HOMER2: variants seen among roughly 807,000 people sequenced by gnomAD.
HOMER2 encodes the protein homer protein homolog 2.
A neutral mutation model predicts 47.0 loss-of-function variants in HOMER2; 27 were observed. The observed-to-expected ratio is 0.57, with a 90% CI of 0.42 to 0.79. HOMER2 has a LOEUF of 0.79. Ranked by LOEUF, HOMER2 falls within the 30% of genes least tolerant of loss-of-function variation. The pLI is 0.00. For synonymous variants in HOMER2, 161 were observed against 163.8 expected (o/e 0.98, Z 0.13); for missense variants, 443 against 435.0 (o/e 1.02, Z -0.16).
At chr15:82,960,877 G>A (rs1184709361) in intron 1 of HOMER2, among the ~76,000 whole-genome samples, 1 of 152,162 alleles carries the variant, frequency 6.6e-6, no homozygotes, top group African/African-American at 2.4e-5. Flanking sequence ...TCATAGTGAG[G>A]AACACCTTTG....
exon 2 of HOMER2, chr15:82,841,103 T>C (rs1438255401): frequency 6.6e-6 from 1 of 152,142 alleles, no homozygotes; most frequent in African/African-American, 2.4e-5. Context: ...AAAGCTCTTA[T>C]TTTTATTATA....
chr15:82,867,367 GA>G (rs10583915), intron 3 of HOMER2, among the ~76,000 whole-genome samples: 66,282 of 133,864 alleles, frequency 0.5, 14,994 homozygotes, highest in East Asian at 0.63. Context: ...AATATAAAAG[GA>G]AAAAAAAAAA....
intron 1 of HOMER2, among the ~76,000 whole-genome samples, chr15:82,897,859 A>C (rs781442038): frequency 3.3e-4 from 50 of 152,224 alleles, no homozygotes; most frequent in Non-Finnish European, 6.9e-4. Flanking sequence ...AACCCTGGTC[A>C]ACACCTTGAT....
At chr15:82,934,309 C>T (rs755127378) in intron 1 of HOMER2, among the ~76,000 whole-genome samples, 12 of 152,084 alleles carry the variant, frequency 7.9e-5, no homozygotes, top group East Asian at 1.9e-4. Flanking sequence ...CCTCCTCTTC[C>T]GCCCACCACC....
intron 1 of HOMER2, among the ~76,000 whole-genome samples, chr15:82,903,708 A>G (rs1452122560): frequency 6.6e-6 from 1 of 152,228 alleles, no homozygotes; most frequent in Admixed American, 6.5e-5. Context: ...AAAAAGCTGA[A>G]CAAGACTGGG....
At chr15:82,910,424 ATT>A (rs1381012608) in intron 1 of HOMER2, among the ~76,000 whole-genome samples, 1 of 152,128 alleles carries the variant, frequency 6.6e-6, no homozygotes, top group Non-Finnish European at 1.5e-5. Context: ...CCTTAGGGGT[ATT>A]TATGGACCTT....
intron 4 of HOMER2, among the ~76,000 whole-genome samples, chr15:82,861,500 G>T (rs1158314758): frequency 1.3e-5 from 2 of 152,052 alleles, no homozygotes; most frequent in African/African-American, 4.8e-5. Flanking sequence ...GTGGTGAGAA[G>T]GTAGATGATT....
intron 1 of HOMER2, among the ~76,000 whole-genome samples, chr15:82,982,750 T>C (rs550316107): frequency 6.6e-6 from 1 of 152,178 alleles, no homozygotes; most frequent in Non-Finnish European, 1.5e-5. Flanking sequence ...ACAACCAAAC[T>C]AGCCTACAAG....
intron 1 of HOMER2, among the ~76,000 whole-genome samples, chr15:82,896,685 AC>A (rs1163798370): frequency 6.6e-6 from 1 of 151,048 alleles, no homozygotes; most frequent in Non-Finnish European, 1.5e-5. Context: ...GAGGCCAAAG[AC>A]CTGCATTCCT....
chr15:82,864,424 A>G lies in HOMER2; in HGVS notation c.295-165T>C, dbSNP rs192645567. Reference sequence around the variant, plus strand: ...TGAATATAAGGATGTATATTCCAGTAAACAGCACTGGGCAAGGTCAGTTCT... The same window carrying G: ...TGAATATAAGGATGTATATTCCAGTGAACAGCACTGGGCAAGGTCAGTTCT... On this transcript the variant is annotated intron_variant, in intron 3 of 8. Transcript: ENST00000450735. Among the ~76,000 whole-genome samples, 27 of 152,356 alleles carry G rather than the reference A, an allele frequency of 1.8e-4. No homozygotes were observed. In the East Asian group the frequency reaches 5.2e-3, roughly 29 times the overall value.
chr15:82,962,685 A>G (rs2054641783), intron 1 of HOMER2, among the ~76,000 whole-genome samples: 1 of 152,182 alleles, frequency 6.6e-6, no homozygotes, highest in Admixed American at 6.5e-5. Flanking sequence ...TCAAAAAAAA[A>G]AGTCCGGGAA....
intron 6 of HOMER2, 141 bp downstream of exon 6, chr15:82,854,503 C>T: frequency 1.3e-6 from 1 of 766,528 alleles, no homozygotes; most frequent in Non-Finnish European, 2.1e-6. Flanking sequence ...GAGGGACGTT[C>T]CCATGGGAGA....
In HOMER2 at chr15:82,913,059, T is replaced by A. The variant is rs1027620047; in HGVS notation, c.6-20218A>T. 2.0e-5 allele frequency among the ~76,000 whole-genome samples: 3 copies of A among 151,808 alleles called. No individual in the cohort carries two copies. The highest frequency in any genetic ancestry group is 7.3e-5 in the African/African-American group (3 of 41,288). On this transcript the variant is annotated intron_variant, in intron 1 of 8. Transcript: ENST00000450735. This position sits in a 1 kb window ranked among gnomAD's most constrained non-coding sequence, Gnocchi z 4.1. ...TGGGGTGTAGAGAGACAAGAGGGAG[T>A]CAGGTAACTGTAAAGCAAATGGTTT...
chr15:82,936,374 C>G (rs1596369217), intron 1 of HOMER2, among the ~76,000 whole-genome samples: 1 of 152,160 alleles, frequency 6.6e-6, no homozygotes, highest in African/African-American at 2.4e-5. Context: ...GGGCCAGGGA[C>G]AGGTGGAGCT....
chr15:82,881,841 T>C (rs1380877161), intron 2 of HOMER2, among the ~76,000 whole-genome samples: 1 of 152,246 alleles, frequency 6.6e-6, no homozygotes, highest in African/African-American at 2.4e-5. Context: ...TACAGGTTTC[T>C]GTGATCCTAT....
downstream of HOMER2, chr15:82,836,144 T>C (rs1391353579): frequency 2.0e-5 from 3 of 152,294 alleles, no homozygotes; most frequent in African/African-American, 7.2e-5. Context: ...CCTTTCCTCC[T>C]CTGGAACCTT....
chr15:82,837,463 G>A (rs1171375260), exon 2 of HOMER2: 3 of 152,202 alleles, frequency 2.0e-5, no homozygotes, highest in African/African-American at 7.2e-5. Flanking sequence ...TAGTTCTGAA[G>A]CAGCTGCTCT....
At chr15:82,851,035 G>GA (rs2051374334) in intron 8 of HOMER2, 116 bp downstream of exon 8, 5 of 754,554 alleles carry the variant, frequency 6.6e-6, no homozygotes, top group South Asian at 5.2e-5. Context: ...TTTGTGAATA[G>GA]AAAATCTCTC....
At chr15:82,972,393 T>C (rs975211148) in intron 1 of HOMER2, among the ~76,000 whole-genome samples, 39 of 152,252 alleles carry the variant, frequency 2.6e-4, no homozygotes, top group African/African-American at 9.4e-4. Context: ...CTGGTGTGTC[T>C]GTTGCAGGCC....
Sources: allele counts gnomAD v4.1 joint callset (sites outside exome capture counted in the v4.1 genomes callset), GRCh38; gene constraint gnomAD v4.1.1; non-coding constraint Gnocchi (gnomAD v3.1); transcripts MANE v1.5; gene names NCBI Gene and HGNC (gene_info 2026-07-23, HGNC 2026-07-21).